The following PEPD variants were observed in gnomAD, a reference collection of about 807,000 sequenced individuals.
PEPD encodes the protein xaa-Pro dipeptidase.
PEPD carries 53 observed loss-of-function variants against 60.7 expected under a neutral mutation model. That is an observed-to-expected ratio of 0.87 (90% CI 0.70 to 1.10). PEPD has a LOEUF of 1.10. Ranked by LOEUF, PEPD falls within the 50% of genes least tolerant of loss-of-function variation. The pLI, the probability that PEPD is intolerant of heterozygous loss-of-function variation, is 0.00. For synonymous variants in PEPD, 267 were observed against 284.1 expected (o/e 0.94, Z 0.60); for missense variants, 711 against 711.9 (o/e 1.00, Z 0.01).
rs1303323106 is a variant in PEPD at position 33,434,263 on chromosome 19, T to C, written c.672-20620A>G. 2.0e-5 allele frequency among the ~76,000 whole-genome samples: 3 copies of C among 152,182 alleles called. No individual in the cohort carries two copies. The East Asian group carries it at 5.8e-4, about 29-fold the overall frequency. The stretch of plus-strand genomic sequence containing the variant: ...CCACCCGCCATACACAGGCTTGGCA[T>C]CTCCCCAGCTCTAGACTCCTCCCCC... On this transcript the variant is annotated intron_variant, in intron 9 of 14. Coordinates refer to ENST00000244137, the MANE Select transcript of PEPD (RefSeq NM_000285.4).
chr19:33,431,180 A>AAGGAAGGAAGGG (rs1568467838), intron 9 of PEPD, among the ~76,000 whole-genome samples: 1 of 129,888 alleles, frequency 7.7e-6, no homozygotes, highest in Admixed American at 8.0e-5. Context: ...GGAAGGAAGG[A>AAGGAAGGAAGGG]AGGGAGGGAG....
At chr19:33,431,232 A>G (rs1303464259) in intron 9 of PEPD, among the ~76,000 whole-genome samples, 2 of 151,916 alleles carry the variant, frequency 1.3e-5, no homozygotes, top group African/African-American at 4.8e-5. Flanking sequence ...GGGCAATTCA[A>G]GCCCAATTCC....
chr19:33,390,760 G>C (rs1320670725), intron 13 of PEPD, among the ~76,000 whole-genome samples: 1 of 152,240 alleles, frequency 6.6e-6, no homozygotes, highest in Non-Finnish European at 1.5e-5. Context: ...GAATGCCTGG[G>C]GATGAGGAGG....
intron 9 of PEPD, among the ~76,000 whole-genome samples, chr19:33,452,331 A>G (rs1969713899): frequency 6.6e-6 from 1 of 152,236 alleles, no homozygotes; most frequent in Non-Finnish European, 1.5e-5. Context: ...AAACTAGCCA[A>G]AATCTATTTA....
chr19:33,387,019 A>G lies in PEPD; in HGVS notation c.*325T>C, dbSNP rs1035789476. ...TGATTTTTGACAGAAAGTATCAGAA[A>G]TGCTTCTTTCCTGGGAAAAGGAATA... is the stretch of plus-strand genomic sequence containing the variant. On this transcript the variant is annotated 3_prime_UTR_variant, in exon 15 of 15. Transcript: ENST00000244137. 5.5e-6 allele frequency: 2 copies of G among 363,628 alleles called. No individual in the cohort carries two copies. The highest frequency in any genetic ancestry group is 3.9e-5 in the South Asian group (1 of 25,410). The allele number at this position is 363,628 out of a possible 1,614,324, so 22.5% of individuals were successfully genotyped here. A position where few individuals can be genotyped will look rare whatever the true frequency, so the allele number is the denominator to read the frequency against.
chr19:33,437,010 A>G (rs1430067312), intron 9 of PEPD, among the ~76,000 whole-genome samples: 1 of 152,316 alleles, frequency 6.6e-6, no homozygotes, highest in Non-Finnish European at 1.5e-5. Flanking sequence ...AAAAAGTGGG[A>G]AATCCAGAGA....
intron 1 of PEPD, among the ~76,000 whole-genome samples, chr19:33,513,622 T>G (rs537999799): frequency 3.8e-4 from 58 of 152,182 alleles, no homozygotes; most frequent in Non-Finnish European, 5.7e-4. Context: ...CTGCACCTTC[T>G]GCCAGAAGGG....
chr19:33,433,825 A>G (rs368263587), intron 9 of PEPD, among the ~76,000 whole-genome samples: 1 of 152,232 alleles, frequency 6.6e-6, no homozygotes, highest in South Asian at 2.1e-4. Flanking sequence ...TAGGAGGACC[A>G]CTCAGGTCAA....
intron 6 of PEPD, among the ~76,000 whole-genome samples, chr19:33,482,147 C>T (rs1346182464): frequency 6.6e-6 from 1 of 152,176 alleles, no homozygotes; most frequent in Non-Finnish European, 1.5e-5. Context: ...AACAAAATTA[C>T]ACACCCAAAT....
Position 33,463,811 on chromosome 19 carries a change from C to T in PEPD, c.624+176G>A, listed in dbSNP as rs4805890. ...GAATTGGGGCAGAGCCCCTTCTGTC[C>T]CTGCCCTGTGCCCACCAGGGAACAG... On this transcript the variant is annotated intron_variant, in intron 8 of 14. Coordinates refer to ENST00000244137, the MANE Select transcript of PEPD (RefSeq NM_000285.4). 0.04 allele frequency among the ~76,000 whole-genome samples: 6,086 copies of T among 152,282 alleles called. 308 individuals carry two copies. Among genetic ancestry groups the T allele is most frequent in the Admixed American group, 0.16 (2,401 of 15,292 alleles).
At chr19:33,457,417 C>A (rs561313797) in intron 9 of PEPD, among the ~76,000 whole-genome samples, 1 of 152,326 alleles carries the variant, frequency 6.6e-6, no homozygotes, top group African/African-American at 2.4e-5. Flanking sequence ...TGCGGCCCCA[C>A]GCCCCCTGCA....
intron 7 of PEPD, among the ~76,000 whole-genome samples, chr19:33,471,708 C>T (rs1458834108): frequency 6.6e-6 from 1 of 152,204 alleles, no homozygotes; most frequent in Non-Finnish European, 1.5e-5. Context: ...GACAAAGATG[C>T]CACCTAAGAA....
chr19:33,413,554 G>A (rs1439822004), intron 10 of PEPD, 21 bp downstream of exon 10: 4 of 1,481,198 alleles, frequency 2.7e-6, no homozygotes, highest in Admixed American at 1.9e-5. Context: ...ACCCCCAGGG[G>A]AGCCAGGGTG....
At position 33,449,721 on chromosome 19, in the gene PEPD, T is replaced by C. The variant is rs146304013; in HGVS notation, c.671+13274A>G. Reference sequence around the variant, plus strand: ...CTGCTCAGATGAAAGAAGTCGGTCATAGACTATCGCAGGTGCTCACAGGGA... The same window carrying C: ...CTGCTCAGATGAAAGAAGTCGGTCACAGACTATCGCAGGTGCTCACAGGGA... On this transcript the variant is annotated intron_variant, in intron 9 of 14. Coordinates refer to ENST00000244137, the MANE Select transcript of PEPD (RefSeq NM_000285.4). 2.8e-3 allele frequency among the ~76,000 whole-genome samples: 419 copies of C among 150,962 alleles called. 3 individuals carry two copies. Among genetic ancestry groups the C allele is most frequent in the African/African-American group, 9.9e-3 (403 of 40,902 alleles).
intron 9 of PEPD, among the ~76,000 whole-genome samples, chr19:33,420,194 C>T (rs1427895413): frequency 9.4e-5 from 2 of 21,222 alleles, no homozygotes; most frequent in African/African-American, 2.1e-4. Flanking sequence ...CATTCTATCT[C>T]CTTCTCCGTC....
intron 7 of PEPD, among the ~76,000 whole-genome samples, chr19:33,473,474 A>C (rs180882914): frequency 6.6e-6 from 1 of 152,338 alleles, no homozygotes; most frequent in Admixed American, 6.5e-5. Context: ...TGATTAATGC[A>C]TGCAGGACAC....
At chr19:33,455,513 T>C (rs1258535581) in intron 9 of PEPD, among the ~76,000 whole-genome samples, 1 of 151,842 alleles carries the variant, frequency 6.6e-6, no homozygotes, top group Non-Finnish European at 1.5e-5. Context: ...TTCTCTTTTT[T>C]TTTTTAAGAG....
At chr19:33,414,152 A>G (rs1166493214) in intron 9 of PEPD, among the ~76,000 whole-genome samples, 2 of 152,170 alleles carry the variant, frequency 1.3e-5, no homozygotes, top group African/African-American at 4.8e-5. Context: ...GGCAAGGGAC[A>G]GGCCTCCTGC....
chr19:33,476,663 TTTTTA>T (rs920582603), intron 7 of PEPD, among the ~76,000 whole-genome samples: 35 of 151,996 alleles, frequency 2.3e-4, no homozygotes, highest in African/African-American at 8.5e-4. Flanking sequence ...GATTTCTTAT[TTTTTA>T]TTTTATTTTT....
Sources: allele counts gnomAD v4.1 joint callset (sites outside exome capture counted in the v4.1 genomes callset), GRCh38; gene constraint gnomAD v4.1.1; transcripts MANE v1.5; gene names NCBI Gene and HGNC (gene_info 2026-07-23, HGNC 2026-07-21).